The following CALCA variants were observed in gnomAD, a reference collection of about 807,000 sequenced individuals.
CALCA encodes the protein calcitonin related polypeptide alpha.
In CALCA, 4 loss-of-function variants were observed where a neutral mutation model predicts 6.9. The observed-to-expected ratio is 0.58, with a 90% CI of 0.29 to 1.33. CALCA has a LOEUF of 1.33. Ranked by LOEUF, CALCA falls within the 40% of genes most tolerant of loss-of-function variation. The probability of loss-of-function intolerance (pLI) is 0.09; values close to 1 mark genes in which losing one functional copy is unlikely to be tolerated. For synonymous variants in CALCA, 78 were observed against 70.0 expected (o/e 1.11, Z -0.57); for missense variants, 174 against 178.3 (o/e 0.98, Z 0.14).
chr11:14,969,071 G>T, intron 3 of CALCA, 74 bp from the exon 4 acceptor site: 1 of 1,412,486 alleles, frequency 7.1e-7, no homozygotes, highest in Non-Finnish European at 1.0e-6. Flanking sequence ...TAGAAGGTTA[G>T]ACCAGGCAGG....
downstream of CALCA, chr11:14,967,613 T>C: frequency 6.2e-7 from 1 of 1,600,048 alleles, no homozygotes; most frequent in South Asian, 1.1e-5. Flanking sequence ...CTCAGAGTGG[T>C]TTTACACCCC....
Position 14,968,550 on chromosome 11 carries a change from A to T in CALCA, c.*249T>A. 3.6e-6 allele frequency: 5 copies of T among 1,394,678 alleles called. No homozygotes were observed. The highest frequency in any genetic ancestry group is 4.7e-6 in the Non-Finnish European group (5 of 1,075,004). The allele number at this position is 1,394,678 out of a possible 1,614,324, so 86.4% of individuals were successfully genotyped here. A position where few individuals can be genotyped will look rare whatever the true frequency, so the allele number is the denominator to read the frequency against. On this transcript the variant is annotated 3_prime_UTR_variant, in exon 4 of 4. Coordinates refer to ENST00000331587, the MANE Select transcript of CALCA (RefSeq NM_001741.3). The stretch of plus-strand genomic sequence containing the variant: ...TCAAATGATCAGCACATTCAGAAGC[A>T]GGACAGAGGAGCTCTGATGACATCT...
At chr11:14,968,174 G>A (rs1370260396), downstream of CALCA, 7 of 412,574 alleles carry the variant, frequency 1.7e-5, no homozygotes, top group Non-Finnish European at 3.2e-5. Context: ...TTATGACACT[G>A]GAGTGAATTA....
rs782409765 is a variant in CALCA at position 14,971,147 on chromosome 11, C to T, written c.46G>A (p.Val16Ile). ...TGGAGGCTGCCTGCCTGCAACAGGA[C>T]CAAGATGCTGAGAGCCAGGAAGGGG... ...FSPFLALSIL[V>I]LLQAGSLHAA... Residue 16 changes from valine (V) to isoleucine (I), a missense_variant, in exon 2 of 4, where the codon GTC (valine) becomes ATC (isoleucine). Coordinates refer to ENST00000331587, the MANE Select transcript of CALCA (RefSeq NM_001741.3). The T allele has an allele frequency of 1.2e-6, 2 of 1,613,914 alleles. No homozygotes were observed. The highest frequency in any genetic ancestry group is 1.7e-5 in the Admixed American group (1 of 59,996).
At chr11:14,971,041 T>C in intron 2 of CALCA, 66 bp downstream of exon 2, 1 of 1,364,378 alleles carries the variant, frequency 7.3e-7, no homozygotes. Flanking sequence ...AAGCATTCAG[T>C]ACACCACACT....
At position 14,969,928 on chromosome 11, in the gene CALCA, G is replaced by A. The variant is rs1555026068; in HGVS notation, c.227+7C>T. ...AGGCCCTGTGCTGAGCGCTTGGGGA[G>A]CCTCACCTGGAGCCCTCTCTCTCTT... On this transcript the variant is annotated splice_region_variant and intron_variant, in intron 3 of 3. Coordinates refer to ENST00000331587, the MANE Select transcript of CALCA (RefSeq NM_001741.3). 5 of 1,612,588 alleles carry A rather than the reference G, an allele frequency of 3.1e-6. No homozygotes were observed. The Admixed American group carries it at 8.3e-5, about 27-fold the overall frequency.
At chr11:14,971,385 A>G (rs1555026502) in intron 1 of CALCA, among the ~76,000 whole-genome samples, 184 bp from the exon 2 acceptor site, 1 of 152,122 alleles carries the variant, frequency 6.6e-6, no homozygotes, top group African/African-American at 2.4e-5. Flanking sequence ...TGGGAGGTTC[A>G]GTGGGCCTGT....
chr11:14,968,096 G>T (rs782052528), downstream of CALCA: 12 of 579,058 alleles, frequency 2.1e-5, no homozygotes, highest in Admixed American at 8.8e-5. Flanking sequence ...TGGATGACTG[G>T]CTATGGAATG....
chr11:14,968,711 C>T lies in CALCA; in HGVS notation c.*88G>A, dbSNP rs1211876100. 1.9e-6 allele frequency: 3 copies of T among 1,612,444 alleles called. No individual in the cohort carries two copies. The highest frequency in any genetic ancestry group is 2.5e-6 in the Non-Finnish European group (3 of 1,179,520). ...CACAAGGAAAGCCACCAATACCAGCCCAAAGAGCCACCAGAGAGGAACCAA... is the reference window on the plus strand; with the variant it reads ...CACAAGGAAAGCCACCAATACCAGCTCAAAGAGCCACCAGAGAGGAACCAA... On this transcript the variant is annotated 3_prime_UTR_variant, in exon 4 of 4. Transcript: ENST00000331587.
chr11:14,971,340 T>C (rs1555026498), intron 1 of CALCA, 139 bp from the exon 2 acceptor site: 1 of 700,450 alleles, frequency 1.4e-6, no homozygotes, highest in East Asian at 2.7e-5. Context: ...TATATTTCTC[T>C]TCTTTTTTGT....
At chr11:14,970,542 C>T (rs1182293335) in intron 2 of CALCA, among the ~76,000 whole-genome samples, 1 of 152,070 alleles carries the variant, frequency 6.6e-6, no homozygotes, top group East Asian at 1.9e-4. Context: ...AATAGGATGG[C>T]TACACATACA....
intron 3 of CALCA, 128 bp downstream of exon 3, chr11:14,969,807 A>C: frequency 1.4e-6 from 2 of 1,432,768 alleles, no homozygotes; most frequent in South Asian, 2.4e-5. Context: ...GCTGGGCCCC[A>C]GGTCCCGGTG....
chr11:14,968,441 G>A, downstream of CALCA: 1 of 1,206,090 alleles, frequency 8.3e-7, no homozygotes, highest in Non-Finnish European at 1.0e-6. Flanking sequence ...CTAAGCATAG[G>A]TCTTAGACAC....
chr11:14,967,695 T>G, downstream of CALCA: 2 of 1,614,024 alleles, frequency 1.2e-6, no homozygotes, highest in South Asian at 2.2e-5. Context: ...ATTCAGCTGC[T>G]CAGGCTTGAA....
In CALCA at chr11:14,968,669, T is replaced by C; in HGVS notation, c.*130A>G. Reference sequence around the variant, plus strand: ...CTGCTCTCTTTCCTCCCATCTGAAGTTTGAGACATCCTCTGCCACAAGGAA... The same window carrying C: ...CTGCTCTCTTTCCTCCCATCTGAAGCTTGAGACATCCTCTGCCACAAGGAA... On this transcript the variant is annotated 3_prime_UTR_variant, in exon 4 of 4. Transcript: ENST00000331587. 1 of 1,607,174 alleles carries C rather than the reference T, an allele frequency of 6.2e-7. No homozygotes were observed. Among genetic ancestry groups the C allele is most frequent in the Non-Finnish European group, 8.5e-7 (1 of 1,177,140 alleles).
rs1656775985 is a variant in CALCA, at chr11:14,968,742, A to C, written c.*57T>G. The C allele has an allele frequency of 6.2e-7, 1 of 1,613,506 alleles. No individual in the cohort carries two copies. Among genetic ancestry groups the C allele is most frequent in the African/African-American group, 1.3e-5 (1 of 74,924 alleles). On this transcript the variant is annotated 3_prime_UTR_variant, in exon 4 of 4. Transcript: ENST00000331587. ...AGCCACCAGAGAGGAACCAAACCACATGCATCAAGTTATAGGAAGGATGCA... is the reference window on the plus strand; with the variant it reads ...AGCCACCAGAGAGGAACCAAACCACCTGCATCAAGTTATAGGAAGGATGCA...
chr11:14,968,902 T>A lies in CALCA; in HGVS notation c.323A>T (p.Gln108Leu), dbSNP rs995506820. Residue 108 changes from glutamine (Q) to leucine (L), a missense_variant, in exon 4 of 4, where the codon CAA (glutamine) becomes CTA (leucine). Transcript: ENST00000331587. ...QDFNKFHTFPQTAIGVGAPGK... is the reference protein window; with the variant it reads ...QDFNKFHTFPLTAIGVGAPGK... Reference sequence around the variant, plus strand: ...AGGTGCTCCAACCCCAATTGCAGTTTGGGGGAACGTGTGAAACTTGTTGAA... The same window carrying A: ...AGGTGCTCCAACCCCAATTGCAGTTAGGGGGAACGTGTGAAACTTGTTGAA... 6.2e-7 allele frequency: 1 copy of A among 1,613,996 alleles called. No homozygotes were observed. The highest frequency in any genetic ancestry group is 1.3e-5 in the African/African-American group (1 of 74,912).
At chr11:14,968,407 G>A, downstream of CALCA, 1 of 1,156,526 alleles carries the variant, frequency 8.6e-7, no homozygotes, top group African/African-American at 1.6e-5. Context: ...CCTCTGTCCA[G>A]CTAGCCTAGG....
downstream of CALCA, chr11:14,967,048 T>G (rs1849472700): frequency 2.0e-5 from 3 of 153,150 alleles, no homozygotes; most frequent in African/African-American, 7.2e-5. Flanking sequence ...CCATGGAGCC[T>G]TTCCTACAAA....
Sources: gnomAD v4.1 joint callset for allele counts (sites outside exome capture counted in the v4.1 genomes callset) on GRCh38, gnomAD v4.1.1 for gene constraint, MANE v1.5 for transcripts, NCBI Gene and HGNC (gene_info 2026-07-23, HGNC 2026-07-21) for gene names.